FNTB: variants seen among roughly 807,000 people sequenced by gnomAD.
FNTB encodes farnesyltransferase, CAAX box, subunit beta, also known as protein farnesyltransferase subunit beta.
Under a neutral mutation model 59.4 loss-of-function variants are expected in FNTB, and 27 were observed. The observed-to-expected ratio is 0.45, with a 90% CI of 0.34 to 0.63. FNTB has a LOEUF of 0.63. FNTB is among the 20% of genes least tolerant of loss of function. FNTB has a pLI of 0.02. For synonymous variants in FNTB, 230 were observed against 220.7 expected, an observed-to-expected ratio of 1.04 and a Z score of -0.37; for missense variants, 449 against 559.6, an observed-to-expected ratio of 0.80 and a Z score of 1.99.
In FNTB at chr14:65,011,883, C is replaced by T. The variant is rs1018894557; in HGVS notation, c.210-434C>T. Among the ~76,000 whole-genome samples, 1 of 151,976 alleles carries T rather than the reference C, an allele frequency of 6.6e-6. No individual in the cohort carries two copies. Among genetic ancestry groups the T allele is most frequent in the Non-Finnish European group, 1.5e-5 (1 of 68,012 alleles). On this transcript the variant is annotated intron_variant, in intron 2 of 11. Transcript: ENST00000246166. The surrounding 1 kb of genome is among the most constrained non-coding windows in gnomAD (Gnocchi z 4.0). ...TGGGCCTTGGAGAAGTCATCCCAGA[C>T]GGGGTGACTGAAATGACAGCGGCTG... is the stretch of plus-strand genomic sequence containing the variant.
At chr14:65,046,473 G>A (rs543527929) in intron 9 of FNTB, among the ~76,000 whole-genome samples, 2 of 152,306 alleles carry the variant, frequency 1.3e-5, no homozygotes, top group South Asian at 4.1e-4. Context: ...CTTCCAGGGG[G>A]GCTGCTGGTT....
intron 4 of FNTB, among the ~76,000 whole-genome samples, chr14:65,024,270 G>C (rs1164168556): frequency 6.6e-6 from 1 of 152,136 alleles, no homozygotes; most frequent in African/African-American, 2.4e-5. Flanking sequence ...ACTGCCACCT[G>C]GGTCCCACCC....
intron 1 of FNTB, chr14:65,003,353 G>T (rs189512429): frequency 2.7e-4 from 41 of 152,238 alleles, no homozygotes; most frequent in African/African-American, 9.4e-4. Context: ...GTATTTGAGA[G>T]TGGTGAGTTA....
intron 2 of FNTB, chr14:65,006,415 A>G: frequency 7.2e-7 from 1 of 1,390,822 alleles, no homozygotes; most frequent in Non-Finnish European, 9.7e-7. Flanking sequence ...CATGAGATAC[A>G]GCTAGAGATT....
At chr14:65,006,536 C>T (rs1344398883) in intron 2 of FNTB, among the ~76,000 whole-genome samples, 1 of 152,172 alleles carries the variant, frequency 6.6e-6, no homozygotes, top group Non-Finnish European at 1.5e-5. Context: ...AGCTTAGCCT[C>T]CCCAGAGGGG....
At chr14:65,006,192 A>G (rs2061586314) in intron 2 of FNTB, 1 of 1,608,906 alleles carries the variant, frequency 6.2e-7, no homozygotes, top group Admixed American at 1.7e-5. Flanking sequence ...TTCCTTAAGA[A>G]ACTTTTTCTG....
At chr14:65,037,741 A>ATTATTTAT (rs201126999) in intron 7 of FNTB, among the ~76,000 whole-genome samples, 1 of 132,718 alleles carries the variant, frequency 7.5e-6, no homozygotes, top group Non-Finnish European at 1.6e-5. Flanking sequence ...TTATTTATTT[A>ATTATTTAT]TTATTTATTT....
Position 65,047,018 on chromosome 14 carries a change from G to GA in FNTB, c.955+2583dup, listed in dbSNP as rs1354092052. Reference sequence around the variant, plus strand: ...GATGAATGGCTAATTTCTTTAATTTGAAAAAAAATCATACAAACCAGTAAG... The same window carrying GA: ...GATGAATGGCTAATTTCTTTAATTTGAAAAAAAAATCATACAAACCAGTAAG... On this transcript the variant is annotated intron_variant, in intron 9 of 11. Transcript: ENST00000246166. The surrounding 1 kb of genome is among the most constrained non-coding windows in gnomAD (Gnocchi z 5.2). 1.3e-5 allele frequency among the ~76,000 whole-genome samples: 2 copies of GA among 151,820 alleles called. No individual in the cohort carries two copies. The highest frequency in any genetic ancestry group is 4.8e-5 in the African/African-American group (2 of 41,324).
At chr14:65,017,735 C>T (rs2061805383) in intron 4 of FNTB, among the ~76,000 whole-genome samples, 1 of 152,040 alleles carries the variant, frequency 6.6e-6, no homozygotes, top group Non-Finnish European at 1.5e-5. Context: ...GTGGGTGGAT[C>T]ACTTGAGGTC....
intron 4 of FNTB, among the ~76,000 whole-genome samples, chr14:65,017,567 A>G (rs1265105548): frequency 2.0e-5 from 3 of 152,202 alleles, no homozygotes; most frequent in East Asian, 1.9e-4. Flanking sequence ...TTCTGGGGCA[A>G]TGTCACATAG....
chr14:65,025,946 TCA>T (rs1344451098), intron 4 of FNTB, among the ~76,000 whole-genome samples: 1 of 152,230 alleles, frequency 6.6e-6, no homozygotes, highest in African/African-American at 2.4e-5. Context: ...GTTTCAGAAC[TCA>T]CAGAGCAAGG....
intron 1 of FNTB, among the ~76,000 whole-genome samples, chr14:64,988,805 A>C (rs925737866): frequency 6.6e-6 from 1 of 152,150 alleles, no homozygotes; most frequent in Non-Finnish European, 1.5e-5. Context: ...TCATGTTGTT[A>C]TTCCAGCACA....
chr14:64,990,926 T>G lies in FNTB; in HGVS notation c.144+3829T>G, dbSNP rs1888174659. Among the ~76,000 whole-genome samples, 1 of 152,128 alleles carries G rather than the reference T, an allele frequency of 6.6e-6. No individual in the cohort carries two copies. The highest frequency in any genetic ancestry group is 2.1e-4 in the South Asian group (1 of 4,830). ...AAGGTCTCTACCTTGCTAAGCTGTT[T>G]TGTTAATGCAGATGCAGGGAGGGCC... On this transcript the variant is annotated intron_variant, in intron 1 of 11. Transcript: ENST00000246166. This position sits in a 1 kb window ranked among gnomAD's most constrained non-coding sequence, Gnocchi z 5.2.
chr14:64,992,680 G>A (rs1888246697), intron 1 of FNTB, among the ~76,000 whole-genome samples: 1 of 151,602 alleles, frequency 6.6e-6, no homozygotes, highest in African/African-American at 2.4e-5. Context: ...GTGCGGTGAT[G>A]CAATCACCAC....
In FNTB at chr14:65,009,987, G is replaced by A. The variant is rs765849263; in HGVS notation, c.210-2330G>A. ...GCCCACACAGATGGGTGCTCCCTGCGTCCTGAGTGGACTTTCCTGAAAGAG... is the reference window on the plus strand; with the variant it reads ...GCCCACACAGATGGGTGCTCCCTGCATCCTGAGTGGACTTTCCTGAAAGAG... On this transcript the variant is annotated intron_variant, in intron 2 of 11. Coordinates refer to ENST00000246166, the MANE Select transcript of FNTB (RefSeq NM_002028.4). The surrounding 1 kb of genome is among the most constrained non-coding windows in gnomAD (Gnocchi z 4.2). 3.3e-5 allele frequency among the ~76,000 whole-genome samples: 5 copies of A among 152,106 alleles called. No homozygotes were observed. Among genetic ancestry groups the A allele is most frequent in the South Asian group, 2.1e-4 (1 of 4,818 alleles).
intron 2 of FNTB, among the ~76,000 whole-genome samples, chr14:65,004,883 A>T (rs191081327): frequency 6.6e-6 from 1 of 152,178 alleles, no homozygotes; most frequent in Non-Finnish European, 1.5e-5. Context: ...GTCTTGTCTT[A>T]AACTCCTGAC....
intron 4 of FNTB, 74 bp downstream of exon 4, chr14:65,015,790 GT>G (rs1166340121): frequency 6.5e-7 from 1 of 1,543,518 alleles, no homozygotes; most frequent in African/African-American, 1.4e-5. Context: ...TTTTGTTTCT[GT>G]TTTGTTTGTT....
At chr14:65,015,469 C>A in intron 3 of FNTB, 156 bp from the exon 4 acceptor site, 2 of 283,968 alleles carry the variant, frequency 7.0e-6, no homozygotes, top group East Asian at 6.5e-5. Flanking sequence ...GCTAAGGCCA[C>A]AAAGCAAAGT....
At chr14:65,053,488 A>G in intron 10 of FNTB, 139 bp downstream of exon 10, 1 of 715,364 alleles carries the variant, frequency 1.4e-6, no homozygotes. Flanking sequence ...TTGTATGGGA[A>G]AAAGCACCCA....
Sources: gnomAD v4.1 joint callset for allele counts (sites outside exome capture counted in the v4.1 genomes callset) on GRCh38, gnomAD v4.1.1 for gene constraint, Gnocchi (gnomAD v3.1) non-coding constraint, MANE v1.5 for transcripts, NCBI Gene and HGNC (gene_info 2026-07-23, HGNC 2026-07-21) for gene names.